The following ZER1 variants were observed in gnomAD, a reference collection of about 807,000 sequenced individuals.
The protein encoded by ZER1 is zyg-11 related cell cycle regulator.
ZER1 carries 11 observed loss-of-function variants against 78.8 expected under a neutral mutation model. The observed-to-expected ratio is 0.14, with a 90% CI of 0.09 to 0.23. The LOEUF (loss-of-function observed/expected upper bound fraction) is 0.23, where lower values mean the gene tolerates loss of function less well. Among genes scored for constraint, ZER1 ranks in the 10% least tolerant of loss-of-function variants. ZER1 has a pLI of 1.00. For synonymous variants in ZER1, 400 were observed against 407.0 expected (o/e 0.98, Z 0.21); for missense variants, 588 against 996.9 (o/e 0.59, Z 5.52).
chr9:128,758,574 A>G (rs556996868), intron 1 of ZER1, among the ~76,000 whole-genome samples: 1 of 151,854 alleles, frequency 6.6e-6, no homozygotes, highest in African/African-American at 2.4e-5. Context: ...ATGCATCACC[A>G]CACCCGGCTA....
At chr9:128,733,218 G>C (rs532015522) in intron 15 of ZER1, 1 of 510,456 alleles carries the variant, frequency 2.0e-6, no homozygotes, top group East Asian at 2.9e-5. Flanking sequence ...GCTCCGTTCC[G>C]AGCTTGGTCA....
chr9:128,743,087 A>ATC (rs1486036841), intron 8 of ZER1, among the ~76,000 whole-genome samples: 1 of 151,818 alleles, frequency 6.6e-6, no homozygotes, highest in Non-Finnish European at 1.5e-5. Flanking sequence ...CCCCCTAGAG[A>ATC]GAACCACTAC....
At chr9:128,766,954 T>C (rs925861513) in intron 1 of ZER1, among the ~76,000 whole-genome samples, 2 of 151,202 alleles carry the variant, frequency 1.3e-5, no homozygotes, top group African/African-American at 4.8e-5. Flanking sequence ...CTTTCTTTTT[T>C]TTTTTGAGAT....
In ZER1 at chr9:128,740,246, T is replaced by C. The variant is rs1012322808; in HGVS notation, c.1854-127A>G. ...TTATTTCTTTATCCCATATCGTCTATATACCCAGACTACTTCTAAAGGGAT... is the reference window on the plus strand; with the variant it reads ...TTATTTCTTTATCCCATATCGTCTACATACCCAGACTACTTCTAAAGGGAT... On this transcript the variant is annotated intron_variant, in intron 12 of 15. Transcript: ENST00000291900. This position sits in a 1 kb window ranked among gnomAD's most constrained non-coding sequence, Gnocchi z 4.4. 39 of 940,238 alleles carry C rather than the reference T, an allele frequency of 4.1e-5. No homozygotes were observed. Among genetic ancestry groups the C allele is most frequent in the Non-Finnish European group, 5.7e-5 (36 of 633,764 alleles). The allele number at this position is 940,238 out of a possible 1,614,324, so 58.2% of individuals were successfully genotyped here.
At chr9:128,738,131 G>A (rs1478946999) in intron 13 of ZER1, among the ~76,000 whole-genome samples, 19 of 149,786 alleles carry the variant, frequency 1.3e-4, no homozygotes, top group African/African-American at 4.4e-4. Flanking sequence ...TGCAAGCTCC[G>A]CCTCCCAGGT....
At chr9:128,763,077 G>T (rs1864098742) in intron 1 of ZER1, among the ~76,000 whole-genome samples, 1 of 152,100 alleles carries the variant, frequency 6.6e-6, no homozygotes, top group South Asian at 2.1e-4. Context: ...TCAGACCTTT[G>T]CCCAGTCTGT....
intron 13 of ZER1, among the ~76,000 whole-genome samples, chr9:128,737,730 T>C (rs1490839494): frequency 6.6e-6 from 1 of 151,860 alleles, no homozygotes; most frequent in Non-Finnish European, 1.5e-5. Context: ...TGAGATGGAG[T>C]ATCACTCTGT....
In ZER1 at chr9:128,740,158, C is replaced by T. The variant is rs1182322624; in HGVS notation, c.1854-39G>A. 8.4e-6 allele frequency: 13 copies of T among 1,548,844 alleles called. No homozygotes were observed. The highest frequency in any genetic ancestry group is 1.1e-5 in the Non-Finnish European group (13 of 1,140,450). On this transcript the variant is annotated intron_variant, in intron 12 of 15. Transcript: ENST00000291900. This position sits in a 1 kb window ranked among gnomAD's most constrained non-coding sequence, Gnocchi z 4.4. ...GACAGAAAAATGGAGTCCCACTCCC[C>T]CAGTTTCTCTTCAGATACCAGCGGC... is the stretch of plus-strand genomic sequence containing the variant.
rs747620311 is a variant in ZER1, at chr9:128,750,596, C to T, written c.1359+20G>A. The T allele has an allele frequency of 1.2e-5, 19 of 1,610,978 alleles. No homozygotes were observed. The highest frequency in any genetic ancestry group is 4.0e-5 in the African/African-American group (3 of 74,870). ...GTGGCTGGGCCAGAGCATGCGGGGC[C>T]GTGGCGGGTGGGGGCTCACCGTCAC... is the stretch of plus-strand genomic sequence containing the variant. On this transcript the variant is annotated intron_variant, in intron 8 of 15. Transcript: ENST00000291900.
intron 15 of ZER1, among the ~76,000 whole-genome samples, chr9:128,731,853 G>C (rs1158541020): frequency 6.6e-6 from 1 of 152,216 alleles, no homozygotes; most frequent in Non-Finnish European, 1.5e-5. Flanking sequence ...CCAGGGTCGG[G>C]CAGGGGCAGC....
At chr9:128,759,726 C>T (rs748047666) in intron 1 of ZER1, among the ~76,000 whole-genome samples, 3 of 151,838 alleles carry the variant, frequency 2.0e-5, no homozygotes, top group Non-Finnish European at 4.4e-5. Context: ...ACCCAGGAGG[C>T]GGAGCTTGCA....
intron 1 of ZER1, among the ~76,000 whole-genome samples, chr9:128,761,603 GTTTTT>G (rs1180495331): frequency 9.3e-6 from 1 of 107,364 alleles, no homozygotes; most frequent in African/African-American, 3.4e-5. Context: ...CCCATAATTT[GTTTTT>G]TTTTTTTTTT....
rs199589694 is a variant in ZER1 at position 128,733,412 on chromosome 9, T to A, written c.2243+14A>T. 197 of 1,612,850 alleles carry A rather than the reference T, an allele frequency of 1.2e-4. 1 individual carries two copies. In the East Asian group the frequency reaches 4.2e-3, roughly 35 times the overall value. On this transcript the variant is annotated intron_variant, in intron 15 of 15. Transcript: ENST00000291900. ...ACCAAGGTTCCAGGCAGAAACACAC[T>A]GCTGGTCTCTTACCGGGCCATTTCC...
rs1419351908 is a variant in ZER1 at position 128,732,993 on chromosome 9, CCAT to C, written c.2243+430_2243+432del. 6.3e-6 allele frequency: 1 copy of C among 158,828 alleles called. No homozygotes were observed. Among genetic ancestry groups the C allele is most frequent in the Non-Finnish European group, 1.4e-5 (1 of 71,876 alleles). 9.8% of individuals were successfully genotyped at this position (158,828 alleles called of 1,614,324 possible). ...AGAGCCACGGAAGGCCGAGACTCCA[CCAT>C]GTTTGTGATCTTCACATTCAGCAAA... On this transcript the variant is annotated intron_variant, in intron 15 of 15. Coordinates refer to ENST00000291900, the MANE Select transcript of ZER1 (RefSeq NM_006336.4). This position sits in a 1 kb window ranked among gnomAD's most constrained non-coding sequence, Gnocchi z 4.8.
At chr9:128,759,322 C>T (rs1285948099) in intron 1 of ZER1, among the ~76,000 whole-genome samples, 4 of 151,520 alleles carry the variant, frequency 2.6e-5, no homozygotes, top group African/African-American at 9.7e-5. Context: ...AGGTGCCTGC[C>T]ACCACACCCA....
At chr9:128,734,609 C>T (rs1862996498) in intron 14 of ZER1, among the ~76,000 whole-genome samples, 1 of 151,938 alleles carries the variant, frequency 6.6e-6, no homozygotes, top group Admixed American at 6.6e-5. Flanking sequence ...GCTGGGATTA[C>T]AGGTGTGAGC....
At chr9:128,762,707 C>T (rs1864088220) in intron 1 of ZER1, among the ~76,000 whole-genome samples, 1 of 152,190 alleles carries the variant, frequency 6.6e-6, no homozygotes, top group African/African-American at 2.4e-5. Flanking sequence ...AGCTCCGGGC[C>T]TGTGCTCCCC....
rs71497406 is a variant in ZER1, at chr9:128,734,846, GT to G, written c.2140+487del. Among the ~76,000 whole-genome samples the G allele has an allele frequency of 3.9e-3, 558 of 142,728 alleles. 4 individuals are homozygous for G. Among genetic ancestry groups the G allele is most frequent in the African/African-American group, 7.8e-3 (310 of 39,764 alleles). 93.6% of individuals were successfully genotyped at this position (142,728 alleles called of 152,430 possible). ...AGGTTGGAACCAGCTGATGGTATGT[GT>G]TTTTTTTTTTTTTCATGCAGACAGC... is the stretch of plus-strand genomic sequence containing the variant. On this transcript the variant is annotated intron_variant, in intron 14 of 15. Coordinates refer to ENST00000291900, the MANE Select transcript of ZER1 (RefSeq NM_006336.4).
intron 15 of ZER1, 53 bp downstream of exon 15, chr9:128,733,373 C>T (rs1007061041): frequency 1.3e-6 from 2 of 1,552,056 alleles, no homozygotes; most frequent in African/African-American, 1.4e-5. Flanking sequence ...CCCGCTATGC[C>T]CTTACTCCCC....
Sources: gnomAD v4.1 joint callset for allele counts (sites outside exome capture counted in the v4.1 genomes callset) on GRCh38, gnomAD v4.1.1 for gene constraint, Gnocchi (gnomAD v3.1) non-coding constraint, MANE v1.5 for transcripts, NCBI Gene and HGNC (gene_info 2026-07-23, HGNC 2026-07-21) for gene names.